GPC5: variants seen among roughly 807,000 people sequenced by gnomAD.
The protein encoded by GPC5 is glypican 5.
Under a neutral mutation model 53.9 loss-of-function variants are expected in GPC5, and 47 were observed. The observed-to-expected ratio is 0.87, with a 90% CI of 0.69 to 1.11. The LOEUF is 1.11. Among genes scored for constraint, GPC5 ranks in the 50% most tolerant of loss-of-function variants. GPC5 has a pLI of 0.00. For synonymous variants in GPC5, 286 were observed against 263.3 expected (o/e 1.09, Z -0.84); for missense variants, 748 against 713.1 (o/e 1.05, Z -0.56).
chr13:92,124,186 T>C, intron 6 of GPC5, among the ~76,000 whole-genome samples: 1 of 143,746 alleles, frequency 7.0e-6, no homozygotes, highest in African/African-American at 2.7e-5. Context: ...AATAAAATCT[T>C]AGCAATCCCT....
chr13:91,701,256 A>G (rs143231906), intron 3 of GPC5, among the ~76,000 whole-genome samples: 4 of 152,126 alleles, frequency 2.6e-5, no homozygotes, highest in African/African-American at 9.7e-5. Flanking sequence ...TGTATAATAC[A>G]TTGTTATTAA....
chr13:92,371,128 C>A (rs1462295082), intron 7 of GPC5, among the ~76,000 whole-genome samples: 2 of 152,120 alleles, frequency 1.3e-5, no homozygotes, highest in Non-Finnish European at 2.9e-5. Flanking sequence ...CCAGCCTGGG[C>A]AACAGAGTGA....
intron 7 of GPC5, among the ~76,000 whole-genome samples, chr13:92,525,437 AGTGTGTGTGTGT>A (rs34946580): frequency 0.011 from 1,513 of 136,670 alleles, 26 homozygotes; most frequent in African/African-American, 0.031. Context: ...GATAGATTCA[AGTGTGTGTGTGT>A]GTGTGTGTGT....
chr13:91,940,160 A>C (rs147871887), intron 6 of GPC5, among the ~76,000 whole-genome samples: 5 of 152,114 alleles, frequency 3.3e-5, no homozygotes, highest in Non-Finnish European at 4.4e-5. Context: ...GAAAATCTCT[A>C]GTAGTCCATA....
intron 7 of GPC5, among the ~76,000 whole-genome samples, chr13:92,430,250 A>T (rs1038331940): frequency 6.6e-6 from 1 of 152,112 alleles, no homozygotes; most frequent in African/African-American, 2.4e-5. Flanking sequence ...GGGGGGAAAA[A>T]CACTAAGAAA....
At chr13:92,126,362 C>A (rs548977273) in intron 6 of GPC5, among the ~76,000 whole-genome samples, 2 of 152,316 alleles carry the variant, frequency 1.3e-5, no homozygotes, top group Non-Finnish European at 2.9e-5. Context: ...AATTTAACAT[C>A]TTATTCTTTA....
intron 6 of GPC5, among the ~76,000 whole-genome samples, chr13:91,942,110 A>G (rs2039932903): frequency 6.6e-6 from 1 of 152,094 alleles, no homozygotes; most frequent in Non-Finnish European, 1.5e-5. Flanking sequence ...ACAATACCAT[A>G]CTGTTAACTA....
chr13:92,347,471 C>T (rs2043422997), intron 7 of GPC5, among the ~76,000 whole-genome samples: 2 of 151,900 alleles, frequency 1.3e-5, no homozygotes, highest in South Asian at 4.1e-4. Flanking sequence ...GAAATAGAAA[C>T]TTTCCCAGAA....
chr13:91,767,146 G>T (rs528816119), intron 5 of GPC5, among the ~76,000 whole-genome samples: 20 of 152,294 alleles, frequency 1.3e-4, no homozygotes, highest in African/African-American at 4.8e-4. Context: ...CTCTAGTGAA[G>T]TTTCTTTTAT....
chr13:92,583,726 C>A (rs1408651862), intron 7 of GPC5, among the ~76,000 whole-genome samples: 6 of 152,212 alleles, frequency 3.9e-5, no homozygotes, highest in African/African-American at 1.2e-4. Flanking sequence ...CTCTTATCTT[C>A]TCAAACCCAG....
chr13:92,030,653 A>G (rs1463191491), intron 6 of GPC5, among the ~76,000 whole-genome samples: 1 of 152,096 alleles, frequency 6.6e-6, no homozygotes, highest in Admixed American at 6.6e-5. Flanking sequence ...CTGCCACTGT[A>G]TCTAGTAGAC....
chr13:91,564,409 T>C (rs553519287), intron 2 of GPC5, among the ~76,000 whole-genome samples: 1 of 152,294 alleles, frequency 6.6e-6, no homozygotes, highest in East Asian at 1.9e-4. Context: ...GCCTCGTCTC[T>C]TTAATTCTGT....
chr13:92,427,015 T>G (rs1402030657), intron 7 of GPC5, among the ~76,000 whole-genome samples: 1 of 152,034 alleles, frequency 6.6e-6, no homozygotes, highest in East Asian at 1.9e-4. Context: ...GGCTCACTCA[T>G]TTCCTGGCTG....
intron 7 of GPC5, among the ~76,000 whole-genome samples, chr13:92,277,450 C>A (rs747680019): frequency 6.6e-6 from 1 of 151,908 alleles, no homozygotes; most frequent in African/African-American, 2.4e-5. Flanking sequence ...GGATGGTCAA[C>A]AATTAGGATA....
At chr13:92,344,316 A>G (rs1295511306) in intron 7 of GPC5, among the ~76,000 whole-genome samples, 14 of 152,090 alleles carry the variant, frequency 9.2e-5, no homozygotes, top group Non-Finnish European at 1.9e-4. Flanking sequence ...ACATGGGAGT[A>G]ACCACCCCAT....
At chr13:91,788,304 C>T (rs1594564650) in intron 5 of GPC5, among the ~76,000 whole-genome samples, 1 of 152,264 alleles carries the variant, frequency 6.6e-6, no homozygotes, top group Non-Finnish European at 1.5e-5. Flanking sequence ...ACATTAATCC[C>T]ATCATAAGGG....
At chr13:91,559,186 C>T (rs2031122686) in intron 2 of GPC5, among the ~76,000 whole-genome samples, 1 of 152,158 alleles carries the variant, frequency 6.6e-6, no homozygotes, top group Admixed American at 6.6e-5. Context: ...AAATCTACTG[C>T]ATGCAGAATC....
intron 6 of GPC5, among the ~76,000 whole-genome samples, chr13:91,910,697 G>A (rs1227468571): frequency 6.6e-6 from 1 of 152,090 alleles, no homozygotes; most frequent in Non-Finnish European, 1.5e-5. Flanking sequence ...AATAGATAAA[G>A]ATTTTTACTT....
At chr13:92,350,709 G>C (rs11838859) in intron 7 of GPC5, among the ~76,000 whole-genome samples, 4,324 of 152,206 alleles carry the variant, frequency 0.028, 216 homozygotes, top group African/African-American at 0.099. Flanking sequence ...TGATGTGTTT[G>C]AGAGCATAAG....
Sources: gnomAD v4.1 joint callset for allele counts (sites outside exome capture counted in the v4.1 genomes callset) on GRCh38, gnomAD v4.1.1 for gene constraint, MANE v1.5 for transcripts, NCBI Gene and HGNC (gene_info 2026-07-23, HGNC 2026-07-21) for gene names.